Variants in CDH2 observed in about 807,000 individuals in gnomAD.
The protein encoded by CDH2 is cadherin 2.
A neutral mutation model predicts 92.0 loss-of-function variants in CDH2; 17 were observed. That is an observed-to-expected ratio of 0.18 (90% CI 0.13 to 0.28). CDH2 has a LOEUF of 0.28. CDH2 is among the 10% of genes least tolerant of loss of function. The pLI is 1.00. For missense variants in CDH2, 862 were observed against 1,133.1 expected (o/e 0.76, Z 3.44); for synonymous variants, 419 against 415.9 (o/e 1.01, Z -0.09).
chr18:28,016,998 T>C (rs1311994601), intron 2 of CDH2, among the ~76,000 whole-genome samples: 1 of 152,190 alleles, frequency 6.6e-6, no homozygotes, highest in African/African-American at 2.4e-5. Flanking sequence ...ATTATCTTTT[T>C]GCTATGCTAT....
chr18:28,069,249 TG>T (rs1423426147), intron 2 of CDH2, among the ~76,000 whole-genome samples: 2 of 152,178 alleles, frequency 1.3e-5, no homozygotes, highest in Non-Finnish European at 2.9e-5. Context: ...TTCCTTGGTT[TG>T]TTTATGTAGA....
chr18:27,972,249 T>C (rs930389286), intron 14 of CDH2, among the ~76,000 whole-genome samples: 3 of 152,204 alleles, frequency 2.0e-5, no homozygotes, highest in Admixed American at 1.3e-4. Context: ...GCAAGCTTAA[T>C]CAATTGATTA....
chr18:28,095,267 G>A (rs1016132706), intron 2 of CDH2, among the ~76,000 whole-genome samples: 3 of 152,020 alleles, frequency 2.0e-5, no homozygotes, highest in Admixed American at 6.5e-5. Context: ...ACTGCTGTGA[G>A]TTAGGCATGT....
chr18:28,122,293 C>A (rs552494253), intron 2 of CDH2, among the ~76,000 whole-genome samples: 1 of 152,170 alleles, frequency 6.6e-6, no homozygotes, highest in East Asian at 1.9e-4. Context: ...TATCAAACAA[C>A]CCCCCTTTTT....
At chr18:28,113,522 A>C (rs1260485897) in intron 2 of CDH2, among the ~76,000 whole-genome samples, 1 of 151,952 alleles carries the variant, frequency 6.6e-6, no homozygotes, top group Non-Finnish European at 1.5e-5. Flanking sequence ...TTTACCAAAG[A>C]CGTGGCACAA....
chr18:27,937,090 A>C (rs1909037445), intron 6 of CDH2, among the ~76,000 whole-genome samples: 1 of 152,274 alleles, frequency 6.6e-6, no homozygotes, highest in South Asian at 2.1e-4. Flanking sequence ...ATTTCATTTT[A>C]TTTCTCTTTT....
At chr18:28,035,401 C>T (rs1015002966) in intron 2 of CDH2, among the ~76,000 whole-genome samples, 1 of 151,888 alleles carries the variant, frequency 6.6e-6, no homozygotes, top group Non-Finnish European at 1.5e-5. Flanking sequence ...TGCTGAATAT[C>T]TTATTGTTTC....
chr18:27,971,409 G>A (rs191753778), intron 14 of CDH2, among the ~76,000 whole-genome samples: 2 of 148,758 alleles, frequency 1.3e-5, no homozygotes, highest in Admixed American at 6.8e-5. Flanking sequence ...TCCCTAAAAC[G>A]AAATATAGAA....
At chr18:28,041,801 A>G (rs1161390022) in intron 2 of CDH2, among the ~76,000 whole-genome samples, 1 of 152,178 alleles carries the variant, frequency 6.6e-6, no homozygotes, top group Non-Finnish European at 1.5e-5. Context: ...ATTTTCTTGT[A>G]CCTTATAAAC....
chr18:28,004,565 TA>T (rs2012859874), intron 6 of CDH2, among the ~76,000 whole-genome samples: 1 of 152,168 alleles, frequency 6.6e-6, no homozygotes, highest in Non-Finnish European at 1.5e-5. Flanking sequence ...TGGCACATTT[TA>T]AACAATTTTT....
At chr18:28,038,465 ATG>A (rs1234841014) in intron 2 of CDH2, among the ~76,000 whole-genome samples, 2 of 128,582 alleles carry the variant, frequency 1.6e-5, no homozygotes, top group Non-Finnish European at 3.5e-5. Flanking sequence ...GTGTGTGTCT[ATG>A]TGTGTGTATG....
At chr18:27,950,444 G>A (rs977187109), downstream of CDH2, among the ~76,000 whole-genome samples, 21 of 152,056 alleles carry the variant, frequency 1.4e-4, no homozygotes, top group Non-Finnish European at 2.8e-4. Context: ...ATATCAAACT[G>A]AAGCAAATGA....
At chr18:27,970,341 A>G (rs1339041602) in intron 14 of CDH2, among the ~76,000 whole-genome samples, 2 of 152,192 alleles carry the variant, frequency 1.3e-5, no homozygotes, top group Non-Finnish European at 2.9e-5. Flanking sequence ...GCAAAAAACA[A>G]AAAATGTGAC....
rs1266566572 is a variant in CDH2 at position 28,176,751 on chromosome 18, C to A, written c.60+212G>T. On this transcript the variant is annotated intron_variant, in intron 1 of 15. Transcript: ENST00000269141. ...CCCTAGAGCCCCGCCAGGAAAGGCG[C>A]GAGAGACCTACTGGCCCCGGCAACC... Among the ~76,000 whole-genome samples, 3 of 151,828 alleles carry A rather than the reference C, an allele frequency of 2.0e-5. No homozygotes were observed. The East Asian group carries it at 5.9e-4, about 30-fold the overall frequency.
At chr18:27,966,861 C>G (rs1055585200) in intron 14 of CDH2, among the ~76,000 whole-genome samples, 1 of 152,044 alleles carries the variant, frequency 6.6e-6, no homozygotes, top group Non-Finnish European at 1.5e-5. Context: ...ATGTTTCAGG[C>G]TTATAGAAAG....
At chr18:27,991,926 C>T (rs756531960) in intron 9 of CDH2, among the ~76,000 whole-genome samples, 3 of 152,116 alleles carry the variant, frequency 2.0e-5, no homozygotes, top group Admixed American at 6.5e-5. Flanking sequence ...GGGATGTTCA[C>T]TTTAACAGGC....
chr18:28,009,463 T>G (rs1257304175), intron 5 of CDH2, among the ~76,000 whole-genome samples: 1 of 152,328 alleles, frequency 6.6e-6, no homozygotes, highest in East Asian at 1.9e-4. Flanking sequence ...CAAGTATCAA[T>G]ATGTAAAGAG....
chr18:28,132,837 G>A (rs565592173), intron 2 of CDH2, among the ~76,000 whole-genome samples: 44 of 152,254 alleles, frequency 2.9e-4, no homozygotes, highest in African/African-American at 9.9e-4. Flanking sequence ...ATCCATAACT[G>A]CTTAATTCTC....
At chr18:28,069,516 C>T (rs1448799215) in intron 2 of CDH2, among the ~76,000 whole-genome samples, 1 of 152,136 alleles carries the variant, frequency 6.6e-6, no homozygotes, top group African/African-American at 2.4e-5. Context: ...AACCAATTCA[C>T]ATTAACATTG....
Sources: gnomAD v4.1 joint callset for allele counts (sites outside exome capture counted in the v4.1 genomes callset) on GRCh38, gnomAD v4.1.1 for gene constraint, MANE v1.5 for transcripts, NCBI Gene and HGNC (gene_info 2026-07-23, HGNC 2026-07-21) for gene names.